PRRC2C: variants seen among roughly 807,000 people sequenced by gnomAD.
The protein encoded by PRRC2C is proline rich coiled-coil 2C.
PRRC2C carries 72 observed loss-of-function variants against 317.2 expected under a neutral mutation model. The ratio of observed to expected loss-of-function variants is 0.23; its 90% CI spans 0.19 to 0.28. PRRC2C has a LOEUF of 0.28. Among genes scored for constraint, PRRC2C ranks in the 10% least tolerant of loss-of-function variants. PRRC2C has a pLI of 1.00. For missense variants in PRRC2C, 3,074 were observed against 3,459.7 expected, an observed-to-expected ratio of 0.89 and a Z score of 2.80; for synonymous variants, 1,296 against 1,205.9, an observed-to-expected ratio of 1.07 and a Z score of -1.55.
At chr1:171,571,526 C>G (rs1343538571) in intron 24 of PRRC2C, 105 bp downstream of exon 24, 20 of 790,372 alleles carry the variant, frequency 2.5e-5, no homozygotes, top group Middle Eastern at 2.4e-4. Context: ...TGGTAAGCAA[C>G]AATACTAAGC....
rs745376860 is a variant in PRRC2C at position 171,587,125 on chromosome 1, G to A, written c.7872G>A (p.Gln2624=). The change falls in exon 31 of 35, where the codon CAG becomes CAA. Residue 2624 remains glutamine (Q), a synonymous_variant. Coordinates refer to ENST00000647382, the MANE Select transcript of PRRC2C (RefSeq NM_001387844.1). ...PPLQHTTPQA[Q]AQSLSRPAQV... ...TACAGCATACCACTCCCCAAGCACA[G>A]GCTCAGAGTCTGAGTCGTCCTGCAC... The A allele has an allele frequency of 2.5e-6, 4 of 1,611,472 alleles. No homozygotes were observed. The East Asian group carries it at 6.7e-5, about 27-fold the overall frequency.
chr1:171,586,063 A>ATTTTTTTTT (rs920423722), intron 30 of PRRC2C, among the ~76,000 whole-genome samples: 4,739 of 82,924 alleles, frequency 0.057, 918 homozygotes, highest in African/African-American at 0.12. Flanking sequence ...TCAGGTGTTG[A>ATTTTTTTTT]TTTTTTTTTT....
intron 23 of PRRC2C, among the ~76,000 whole-genome samples, chr1:171,570,893 TATGC>T: frequency 6.6e-6 from 1 of 152,310 alleles, no homozygotes; most frequent in South Asian, 2.1e-4. Context: ...TGCTACACAG[TATGC>T]AGCCTGTAGA....
chr1:171,589,789 T>G (rs1650956226), intron 34 of PRRC2C, among the ~76,000 whole-genome samples, 184 bp downstream of exon 34: 1 of 151,944 alleles, frequency 6.6e-6, no homozygotes, highest in Non-Finnish European at 1.5e-5. Context: ...CCTTTCATCT[T>G]TTTTTTCTTT....
chr1:171,488,061 G>C (rs201620936), intron 1 of PRRC2C, among the ~76,000 whole-genome samples: 1 of 8,842 alleles, frequency 1.1e-4, no homozygotes, highest in East Asian at 6.7e-3. Context: ...CCTCTTTAGT[G>C]ATAAAATGTC....
intron 19 of PRRC2C, among the ~76,000 whole-genome samples, chr1:171,559,609 C>T (rs1035643901): frequency 7.0e-6 from 1 of 143,292 alleles, no homozygotes; most frequent in Non-Finnish European, 1.5e-5. Context: ...GCAACCTCCG[C>T]CTCCCGGATT....
intron 1 of PRRC2C, among the ~76,000 whole-genome samples, chr1:171,507,224 A>G (rs2102201896): frequency 6.6e-6 from 1 of 152,262 alleles, no homozygotes; most frequent in South Asian, 2.1e-4. Flanking sequence ...CATTTATTTA[A>G]CATAAAAAGA....
chr1:171,566,138 A>T (rs886197492), intron 20 of PRRC2C, 95 bp from the exon 21 acceptor site: 1 of 997,292 alleles, frequency 1.0e-6, no homozygotes, highest in Admixed American at 2.8e-5. Flanking sequence ...AGATTGTCTT[A>T]AACCTTCTAT....
At chr1:171,586,041 C>T (rs1269152219) in intron 30 of PRRC2C, among the ~76,000 whole-genome samples, 5 of 144,768 alleles carry the variant, frequency 3.5e-5, no homozygotes, top group Non-Finnish European at 7.5e-5. Context: ...TCGACTGATC[C>T]GTCGCAGGAG....
intron 9 of PRRC2C, 77 bp from the exon 10 acceptor site, chr1:171,524,741 ATTT>A: frequency 7.3e-7 from 1 of 1,377,432 alleles, no homozygotes; most frequent in Non-Finnish European, 9.6e-7. Flanking sequence ...TACAGAAATA[ATTT>A]TTTTAATTGC....
In PRRC2C at chr1:171,572,684, T is replaced by C. The variant is rs75868909; in HGVS notation, c.6753+1263T>C. ...GAATGACTGTCTTAATCTGTGTTCC[T>C]TACTTAGTCTTACTTTTATGGTTTT... On this transcript the variant is annotated intron_variant, in intron 24 of 34. Coordinates refer to ENST00000647382, the MANE Select transcript of PRRC2C (RefSeq NM_001387844.1). 9.8e-5 allele frequency among the ~76,000 whole-genome samples: 15 copies of C among 152,344 alleles called. 1 individual carries two copies. In the East Asian group the frequency reaches 2.9e-3, roughly 29 times the overall value.
chr1:171,570,231 C>G (rs1040332201), intron 23 of PRRC2C, among the ~76,000 whole-genome samples: 2 of 152,136 alleles, frequency 1.3e-5, no homozygotes, highest in Admixed American at 1.3e-4. Flanking sequence ...AATTTAGGAC[C>G]TCTTGAGATG....
chr1:171,516,622 T>A (rs1672416009), intron 5 of PRRC2C, among the ~76,000 whole-genome samples: 1 of 152,230 alleles, frequency 6.6e-6, no homozygotes, highest in African/African-American at 2.4e-5. Context: ...CATAACAAAT[T>A]TAGCAATGTA....
intron 28 of PRRC2C, among the ~76,000 whole-genome samples, chr1:171,582,426 G>A (rs1648838329): frequency 6.6e-6 from 1 of 152,114 alleles, no homozygotes; most frequent in Admixed American, 6.5e-5. Context: ...TAATTAGAGT[G>A]CATCCAAGTA....
intron 11 of PRRC2C, 66 bp downstream of exon 11, chr1:171,527,910 A>G (rs1367897622): frequency 7.3e-7 from 1 of 1,367,988 alleles, no homozygotes; most frequent in African/African-American, 1.5e-5. Flanking sequence ...GTGGAAAGAC[A>G]CCAAATTTTT....
intron 1 of PRRC2C, among the ~76,000 whole-genome samples, chr1:171,490,167 T>G (rs1399332741): frequency 6.6e-6 from 1 of 152,206 alleles, no homozygotes; most frequent in Non-Finnish European, 1.5e-5. Context: ...TCCGCCCACC[T>G]TGGCCTCCCA....
intron 26 of PRRC2C, 145 bp downstream of exon 26, chr1:171,577,782 T>TAA: frequency 2.1e-5 from 17 of 796,436 alleles, no homozygotes; most frequent in South Asian, 6.0e-5. Context: ...TTTTTTTTTT[T>TAA]TTTTTTTTTT....
chr1:171,504,742 G>C (rs1282008934), intron 1 of PRRC2C, among the ~76,000 whole-genome samples: 1 of 152,142 alleles, frequency 6.6e-6, no homozygotes, highest in Non-Finnish European at 1.5e-5. Flanking sequence ...TGGAGGGTAG[G>C]GGGTGGGTGG....
In PRRC2C at chr1:171,540,275, C is replaced by G. The variant is rs111928000; in HGVS notation, c.2809C>G (p.Pro937Ala). 7,865 of 1,613,778 alleles carry G rather than the reference C, an allele frequency of 4.9e-3. 46 individuals carry two copies. Among genetic ancestry groups the G allele is most frequent in the Middle Eastern group, 0.025 (151 of 6,062 alleles). ...CCATGGATCTAACCATACGCAAAAA[C>G]CAGACGAGCAGAGAAGTGAACCATC... is the stretch of plus-strand genomic sequence containing the variant. ...VSHGSNHTQK[P>A]DEQRSEPSAG... The change falls in exon 16 of 35, where the codon CCA becomes GCA. Residue 937 changes from proline to alanine, a missense_variant. By Grantham distance (27) the Pro-to-Ala change is conservative. Transcript: ENST00000647382.
Sources: gnomAD v4.1 joint callset for allele counts (sites outside exome capture counted in the v4.1 genomes callset) on GRCh38, gnomAD v4.1.1 for gene constraint, MANE v1.5 for transcripts, NCBI Gene and HGNC (gene_info 2026-07-23, HGNC 2026-07-21) for gene names.